GOLPH3: variants seen among roughly 807,000 people sequenced by gnomAD.
The protein encoded by GOLPH3 is golgi phosphoprotein 3.
GOLPH3 carries 14 observed loss-of-function variants against 28.5 expected under a neutral mutation model. The observed-to-expected ratio is 0.49, with a 90% CI of 0.32 to 0.77. The LOEUF is 0.77. Among genes scored for constraint, GOLPH3 ranks in the 30% least tolerant of loss-of-function variants. GOLPH3 has a pLI of 0.03. For missense variants in GOLPH3, 350 were observed against 393.7 expected (o/e 0.89, Z 0.94); for synonymous variants, 158 against 159.2 (o/e 0.99, Z 0.06).
chr5:32,165,398 C>T (rs1746688494), intron 1 of GOLPH3, among the ~76,000 whole-genome samples: 1 of 152,150 alleles, frequency 6.6e-6, no homozygotes, highest in Admixed American at 6.5e-5. Flanking sequence ...GCCTGGCCAA[C>T]ATGGCGAAAC....
rs1581555544 is a variant in GOLPH3 at position 32,161,678 on chromosome 5, G to A, written c.225+12132C>T. On this transcript the variant is annotated intron_variant, in intron 1 of 3. Transcript: ENST00000265070. The stretch of plus-strand genomic sequence containing the variant: ...AGGCTAAGCAGTATCTGGAAAAGAG[G>A]AATCATGGAACCAATCCCAAGGATT... Among the ~76,000 whole-genome samples, 2 of 151,458 alleles carry A rather than the reference G, an allele frequency of 1.3e-5. 1 individual carries two copies. Among genetic ancestry groups the A allele is most frequent in the African/African-American group, 4.9e-5 (2 of 40,762 alleles).
chr5:32,137,909 G>GTT (rs397997289), intron 2 of GOLPH3, among the ~76,000 whole-genome samples: 12,676 of 142,846 alleles, frequency 0.089, 1,479 homozygotes, highest in African/African-American at 0.26. Flanking sequence ...GGTTTTTTTT[G>GTT]TTTTTTTTTT....
At chr5:32,157,653 A>T (rs1224620098) in intron 1 of GOLPH3, among the ~76,000 whole-genome samples, 2 of 152,186 alleles carry the variant, frequency 1.3e-5, no homozygotes, top group Non-Finnish European at 2.9e-5. Context: ...CAGTATATAA[A>T]TGTACTGTCT....
At position 32,174,057 on chromosome 5, in the gene GOLPH3, C is replaced by T; in HGVS notation, c.-23G>A. On this transcript the variant is annotated 5_prime_UTR_variant, in exon 1 of 4. Coordinates refer to ENST00000265070, the MANE Select transcript of GOLPH3 (RefSeq NM_022130.4). ...CATGGCTCCCGCCGAGGCGCCGAGC[C>T]GGGCCGAGAGGGTCGCAGGACCGAC... 1 of 1,273,028 alleles carries T rather than the reference C, an allele frequency of 7.9e-7. No homozygotes were observed. The allele number at this position is 1,273,028 out of a possible 1,614,324, so 78.9% of individuals were successfully genotyped here. A position where few individuals can be genotyped will look rare whatever the true frequency, so the allele number is the denominator to read the frequency against.
At chr5:32,157,006 G>A (rs967320155) in intron 1 of GOLPH3, among the ~76,000 whole-genome samples, 2 of 152,170 alleles carry the variant, frequency 1.3e-5, no homozygotes, top group Non-Finnish European at 2.9e-5. Context: ...GTAAGTTACT[G>A]GTAGTAATCA....
At chr5:32,158,532 T>TCAGCAGACTCACAGTTA (rs1402364360) in intron 1 of GOLPH3, among the ~76,000 whole-genome samples, 44 of 152,200 alleles carry the variant, frequency 2.9e-4, no homozygotes, top group African/African-American at 9.6e-4. Context: ...CTATCTCCTT[T>TCAGCAGACTCACAGTTA]CCATTCACAG....
chr5:32,172,240 T>G (rs557835717), intron 1 of GOLPH3, among the ~76,000 whole-genome samples: 1 of 152,214 alleles, frequency 6.6e-6, no homozygotes, highest in East Asian at 1.9e-4. Flanking sequence ...GACGTATCTA[T>G]CAAGCTAACC....
At chr5:32,159,011 T>C (rs1746516048) in intron 1 of GOLPH3, among the ~76,000 whole-genome samples, 1 of 152,226 alleles carries the variant, frequency 6.6e-6, no homozygotes. Flanking sequence ...ATAATGGAAC[T>C]GAGGCTCAGA....
intron 1 of GOLPH3, among the ~76,000 whole-genome samples, chr5:32,170,771 TAAAA>T (rs917055918): frequency 6.7e-6 from 1 of 148,640 alleles, no homozygotes; most frequent in South Asian, 2.1e-4. Context: ...CTCCATCTCT[TAAAA>T]AAAAAAATTT....
In GOLPH3 at chr5:32,173,961, T is replaced by C; in HGVS notation, c.74A>G (p.Lys25Arg). The change falls in exon 1 of 4, where the codon AAG becomes AGG. Residue 25 changes from lysine (K) to arginine (R), a missense_variant. Coordinates refer to ENST00000265070, the MANE Select transcript of GOLPH3 (RefSeq NM_022130.4). ...RTEASRNAAD[K>R]ERAAGGGAGS... ...GGCGCCGCCGCCCGCCGCCCGCTCC[T>C]TGTCGGCGGCGTTGCGGGAGGCCTC... 7.0e-7 allele frequency: 1 copy of C among 1,427,616 alleles called. No homozygotes were observed. The highest frequency in any genetic ancestry group is 9.1e-7 in the Non-Finnish European group (1 of 1,097,340). 88.4% of individuals were successfully genotyped at this position (1,427,616 alleles called of 1,614,324 possible).
At chr5:32,135,511 G>C in intron 3 of GOLPH3, 61 bp downstream of exon 3, 1 of 1,029,396 alleles carries the variant, frequency 9.7e-7, no homozygotes, top group Non-Finnish European at 1.5e-6. Context: ...CTTTCAAAAG[G>C]ATTTAAACTT....
At chr5:32,161,813 G>C (rs1390096276) in intron 1 of GOLPH3, among the ~76,000 whole-genome samples, 3 of 150,822 alleles carry the variant, frequency 2.0e-5, no homozygotes, top group Admixed American at 1.3e-4. Flanking sequence ...GGACCACGAG[G>C]TCAGGAGATC....
rs201074478 is a variant in GOLPH3, at chr5:32,135,705, G to A, written c.358-19C>T. On this transcript the variant is annotated intron_variant, in intron 2 of 3. Coordinates refer to ENST00000265070, the MANE Select transcript of GOLPH3 (RefSeq NM_022130.4). The stretch of plus-strand genomic sequence containing the variant: ...AGATTACCTAAAAAGAAAGCAAAAA[G>A]AATGAAAGGATCCACGAATGCCTTT... 1.2e-5 allele frequency: 18 copies of A among 1,452,834 alleles called. No individual in the cohort carries two copies. In the East Asian group the frequency reaches 3.8e-4, roughly 31 times the overall value. The allele number at this position is 1,452,834 out of a possible 1,614,324, so 90.0% of individuals were successfully genotyped here.
At chr5:32,128,571 A>G (rs1471299698) in intron 3 of GOLPH3, among the ~76,000 whole-genome samples, 3 of 152,138 alleles carry the variant, frequency 2.0e-5, no homozygotes, top group African/African-American at 7.2e-5. Context: ...AGGCAGGAGA[A>G]TCATTTAAAC....
chr5:32,142,715 C>G (rs1384291142), intron 2 of GOLPH3, among the ~76,000 whole-genome samples: 106 of 147,090 alleles, frequency 7.2e-4, no homozygotes, highest in Admixed American at 1.9e-3. Context: ...ATCAGCCCCC[C>G]GCCTGGCCAG....
chr5:32,172,418 T>A (rs934904002), intron 1 of GOLPH3, among the ~76,000 whole-genome samples: 1 of 151,732 alleles, frequency 6.6e-6, no homozygotes, highest in Admixed American at 6.6e-5. Flanking sequence ...AAATCAGGCC[T>A]GGGCGCGGTG....
At chr5:32,172,899 C>G (rs1439823035) in intron 1 of GOLPH3, among the ~76,000 whole-genome samples, 1 of 152,180 alleles carries the variant, frequency 6.6e-6, no homozygotes, top group East Asian at 1.9e-4. Flanking sequence ...GCAAATATAA[C>G]AAATACAGCA....
intron 1 of GOLPH3, among the ~76,000 whole-genome samples, chr5:32,148,729 G>A (rs757299681): frequency 6.6e-5 from 10 of 152,302 alleles, no homozygotes; most frequent in Non-Finnish European, 1.3e-4. Flanking sequence ...CCCAGGAGGC[G>A]GAGCTTGCAG....
chr5:32,156,054 T>G (rs1746418958), intron 1 of GOLPH3, among the ~76,000 whole-genome samples: 1 of 141,722 alleles, frequency 7.1e-6, no homozygotes, highest in East Asian at 2.2e-4. Flanking sequence ...AGAAGCCTCA[T>G]GAATGCAATT....
Sources: gnomAD v4.1 joint callset for allele counts (sites outside exome capture counted in the v4.1 genomes callset) on GRCh38, gnomAD v4.1.1 for gene constraint, MANE v1.5 for transcripts, NCBI Gene and HGNC (gene_info 2026-07-23, HGNC 2026-07-21) for gene names.